PARD6B: variants seen among roughly 807,000 people sequenced by gnomAD.
PARD6B encodes partitioning defective 6 homolog beta.
Under a neutral mutation model 10.5 loss-of-function variants are expected in PARD6B, and 4 were observed. That is an observed-to-expected ratio of 0.38 (90% CI 0.19 to 0.87). The LOEUF is 0.87. PARD6B is among the 40% of genes least tolerant of loss of function. PARD6B has a pLI of 0.41. For missense variants in PARD6B, 396 were observed against 470.6 expected, an observed-to-expected ratio of 0.84 and a Z score of 1.47; for synonymous variants, 169 against 170.4, an observed-to-expected ratio of 0.99 and a Z score of 0.07.
intron 2 of PARD6B, among the ~76,000 whole-genome samples, chr20:50,748,406 G>A (rs944968413): frequency 5.3e-5 from 8 of 152,214 alleles, no homozygotes; most frequent in Admixed American, 1.3e-4. Context: ...ATTCCGAAGT[G>A]TTTGTTTGAT....
Position 50,752,891 on chromosome 20 carries a change from G to A in PARD6B, c.*2403G>A, listed in dbSNP as rs1000236645. On this transcript the variant is annotated 3_prime_UTR_variant, in exon 3 of 3. Coordinates refer to ENST00000371610, the MANE Select transcript of PARD6B (RefSeq NM_032521.3). ...CGTTGTACTTTTTGTTGAATTCACC[G>A]AAGTTCTTCCATTTATATGCTATTT... 18 of 982,340 alleles carry A rather than the reference G, an allele frequency of 1.8e-5. No homozygotes were observed. In the South Asian group the frequency reaches 3.3e-4, roughly 18 times the overall value. 60.9% of individuals were successfully genotyped at this position (982,340 alleles called of 1,614,324 possible).
chr20:50,741,520 C>T (rs542424586), intron 2 of PARD6B, among the ~76,000 whole-genome samples: 3 of 152,238 alleles, frequency 2.0e-5, no homozygotes, highest in African/African-American at 7.2e-5. Context: ...GCATCTAAAT[C>T]TGGCAGACTT....
chr20:50,731,684 C>G lies in PARD6B; in HGVS notation c.-103C>G, dbSNP rs2087471340. 9.0e-7 allele frequency: 1 copy of G among 1,106,004 alleles called. No homozygotes were observed. Among genetic ancestry groups the G allele is most frequent in the Non-Finnish European group, 1.2e-6 (1 of 840,518 alleles). The allele number at this position is 1,106,004 out of a possible 1,614,324, so 68.5% of individuals were successfully genotyped here. On this transcript the variant is annotated 5_prime_UTR_variant, in exon 1 of 3. Transcript: ENST00000371610. ...CTGCAGGTGCCTGTGAGGAGGCGCC[C>G]GGGCCGCAACCGCTTTCCGAGATCC...
At chr20:50,744,340 C>G (rs2087552211) in intron 2 of PARD6B, among the ~76,000 whole-genome samples, 1 of 151,756 alleles carries the variant, frequency 6.6e-6, no homozygotes, top group Non-Finnish European at 1.5e-5. Context: ...TTGCGAACTC[C>G]CGACCTCTGG....
At chr20:50,738,896 T>G (rs1474237190) in intron 2 of PARD6B, among the ~76,000 whole-genome samples, 1 of 151,912 alleles carries the variant, frequency 6.6e-6, no homozygotes, top group East Asian at 1.9e-4. Context: ...GCTGGGATTA[T>G]AGGCATGAGC....
At chr20:50,747,396 A>G (rs1256255129) in intron 2 of PARD6B, among the ~76,000 whole-genome samples, 1 of 132,654 alleles carries the variant, frequency 7.5e-6, no homozygotes, top group Admixed American at 8.1e-5. Flanking sequence ...GCAGCAGCTG[A>G]GACTAGGATT....
At chr20:50,735,799 C>G (rs1033859631) in intron 1 of PARD6B, among the ~76,000 whole-genome samples, 4 of 152,128 alleles carry the variant, frequency 2.6e-5, no homozygotes, top group Admixed American at 6.5e-5. Flanking sequence ...AAAGCTTTAA[C>G]AAAAACATTG....
chr20:50,743,616 A>G (rs185489751), intron 2 of PARD6B, among the ~76,000 whole-genome samples: 113 of 152,256 alleles, frequency 7.4e-4, no homozygotes, highest in African/African-American at 2.6e-3. Flanking sequence ...AAATGAAAAA[A>G]ATAAATTACA....
chr20:50,750,013 T>C lies in PARD6B; in HGVS notation c.644T>C (p.Val215Ala). The stretch of plus-strand genomic sequence containing the variant: ...GGACTATTAGCTGTTAATGATGAAG[T>C]TTTAGAAGTTAATGGCATAGAAGTT... Reference protein sequence around the residue: ...STGLLAVNDEVLEVNGIEVSG... With the variant: ...STGLLAVNDEALEVNGIEVSG... Residue 215 changes from valine to alanine, a missense_variant, in exon 3 of 3, where the codon GTT (valine) becomes GCT (alanine). Val to Ala is a moderately conservative substitution (Grantham distance 64). Transcript: ENST00000371610. 1 of 1,614,148 alleles carries C rather than the reference T, an allele frequency of 6.2e-7. No individual in the cohort carries two copies.
At chr20:50,743,051 T>C (rs1179705418) in intron 2 of PARD6B, among the ~76,000 whole-genome samples, 1 of 152,198 alleles carries the variant, frequency 6.6e-6, no homozygotes, top group Non-Finnish European at 1.5e-5. Context: ...GACTTTCTGC[T>C]CTCATTGTTG....
intron 2 of PARD6B, among the ~76,000 whole-genome samples, chr20:50,747,649 G>C (rs1422251775): frequency 1.3e-5 from 2 of 151,326 alleles, no homozygotes; most frequent in Admixed American, 6.6e-5. Context: ...TGTTTCTGCT[G>C]TTAGTTTCAT....
Position 50,750,096 on chromosome 20 carries a change from A to G in PARD6B, c.727A>G (p.Ile243Val). ...DMMIANSRNL[I>V]ITVRPANQRN... Reference sequence around the variant, plus strand: ...GATGATTGCAAATAGCCGTAACCTCATCATAACAGTGAGACCGGCAAACCA... The same window carrying G: ...GATGATTGCAAATAGCCGTAACCTCGTCATAACAGTGAGACCGGCAAACCA... The change falls in exon 3 of 3, where the codon ATC (isoleucine) becomes GTC (valine). Residue 243 changes from isoleucine (I) to valine (V), a missense_variant. By Grantham distance (29) the Ile-to-Val change is conservative (BLOSUM62 3). Coordinates refer to ENST00000371610, the MANE Select transcript of PARD6B (RefSeq NM_032521.3). 2.5e-6 allele frequency: 4 copies of G among 1,614,264 alleles called. No homozygotes were observed. The highest frequency in any genetic ancestry group is 3.4e-6 in the Non-Finnish European group (4 of 1,180,052).
At chr20:50,744,653 CTCCT>C (rs572301129) in intron 2 of PARD6B, among the ~76,000 whole-genome samples, 26 of 151,968 alleles carry the variant, frequency 1.7e-4, no homozygotes, top group Non-Finnish European at 3.7e-4. Flanking sequence ...CCCTCCCTCC[CTCCT>C]GCTTTTCACC....
Position 50,750,603 on chromosome 20 carries a change from C to G in PARD6B, c.*115C>G. ...CGTGGAATAGGCATGAGACGAGTAA[C>G]GTTGCAAGCTTACAATATTATTAAA... On this transcript the variant is annotated 3_prime_UTR_variant, in exon 3 of 3. Coordinates refer to ENST00000371610, the MANE Select transcript of PARD6B (RefSeq NM_032521.3). 1 of 1,438,148 alleles carries G rather than the reference C, an allele frequency of 7.0e-7. No homozygotes were observed. Among genetic ancestry groups the G allele is most frequent in the South Asian group, 1.5e-5 (1 of 66,274 alleles). 89.1% of individuals were successfully genotyped at this position (1,438,148 alleles called of 1,614,324 possible). A position where few individuals can be genotyped will look rare whatever the true frequency, so the allele number is the denominator to read the frequency against.
intron 2 of PARD6B, among the ~76,000 whole-genome samples, chr20:50,742,128 C>T (rs1332907764): frequency 6.6e-6 from 1 of 152,190 alleles, no homozygotes; most frequent in Non-Finnish European, 1.5e-5. Context: ...CCTCCACTCA[C>T]TGCAACCTCC....
Position 50,743,970 on chromosome 20 carries a change from C to G in PARD6B, c.290-5689C>G, listed in dbSNP as rs994363005. Among the ~76,000 whole-genome samples the G allele has an allele frequency of 4.6e-5, 7 of 151,746 alleles. 1 individual carries two copies. Among genetic ancestry groups the G allele is most frequent in the Admixed American group, 6.6e-5 (1 of 15,226 alleles). On this transcript the variant is annotated intron_variant, in intron 2 of 2. Coordinates refer to ENST00000371610, the MANE Select transcript of PARD6B (RefSeq NM_032521.3). ...CTCACAACAGAAACGTGGGTGTCACCTTTGACACATACCTATTTTTTAGTC... is the reference window on the plus strand; with the variant it reads ...CTCACAACAGAAACGTGGGTGTCACGTTTGACACATACCTATTTTTTAGTC...
In PARD6B at chr20:50,752,798, G is replaced by A. The variant is rs117000341; in HGVS notation, c.*2310G>A. ...ATCACTTGACTCAGAATACTTCAAT[G>A]TATTTTGTTCACATTACCACTAAGC... On this transcript the variant is annotated 3_prime_UTR_variant, in exon 3 of 3. Coordinates refer to ENST00000371610, the MANE Select transcript of PARD6B (RefSeq NM_032521.3). 0.014 allele frequency: 14,108 copies of A among 975,150 alleles called. 111 individuals carry two copies. The highest frequency in any genetic ancestry group is 0.016 in the Non-Finnish European group (13,434 of 820,240). The allele number at this position is 975,150 out of a possible 1,614,324, so 60.4% of individuals were successfully genotyped here. A position where few individuals can be genotyped will look rare whatever the true frequency, so the allele number is the denominator to read the frequency against.
At chr20:50,745,205 G>A (rs934137942) in intron 2 of PARD6B, among the ~76,000 whole-genome samples, 38 of 152,272 alleles carry the variant, frequency 2.5e-4, no homozygotes, top group Middle Eastern at 6.8e-3. Flanking sequence ...CAAGGTGGGC[G>A]GATCGCCCAA....
chr20:50,747,066 AT>A (rs2087571150), intron 2 of PARD6B, among the ~76,000 whole-genome samples: 2 of 152,232 alleles, frequency 1.3e-5, no homozygotes, highest in African/African-American at 2.4e-5. Flanking sequence ...TGCCAAAAAA[AT>A]AAGATACCCG....
Sources: gnomAD v4.1 joint callset for allele counts (sites outside exome capture counted in the v4.1 genomes callset) on GRCh38, gnomAD v4.1.1 for gene constraint, MANE v1.5 for transcripts, NCBI Gene and HGNC (gene_info 2026-07-23, HGNC 2026-07-21) for gene names.